RAB23: variants seen among roughly 807,000 people sequenced by gnomAD.
RAB23 encodes the protein ras-related protein Rab-23.
Under a neutral mutation model 30.0 loss-of-function variants are expected in RAB23, and 15 were observed. The observed-to-expected ratio is 0.50, with a 90% CI of 0.33 to 0.77. The LOEUF is 0.77. RAB23 is among the 30% of genes least tolerant of loss of function. The pLI is 0.02. For synonymous variants in RAB23, 93 were observed against 94.0 expected, an observed-to-expected ratio of 0.99 and a Z score of 0.06; for missense variants, 243 against 275.4, an observed-to-expected ratio of 0.88 and a Z score of 0.83.
intron 3 of RAB23, among the ~76,000 whole-genome samples, chr6:57,201,670 A>G (rs572608144): frequency 1.7e-4 from 26 of 152,356 alleles, no homozygotes; most frequent in South Asian, 4.1e-4. Context: ...AAATAAATTC[A>G]TAAGTTTTTC....
In RAB23 at chr6:57,200,555, A is replaced by AAAAT. The variant is rs1765216320; in HGVS notation, c.242-3950_242-3949insATTT. Among the ~76,000 whole-genome samples, 6 of 151,680 alleles carry AAAAT rather than the reference A, an allele frequency of 4.0e-5. No individual in the cohort carries two copies. The South Asian group carries it at 1.2e-3, about 32-fold the overall frequency. ...CTGTCTCAAAAAAAAAAAAAAAAAAAAAAGAATTTTTTTAGAGGAAGTACT... is the reference window on the plus strand; with the variant it reads ...CTGTCTCAAAAAAAAAAAAAAAAAAAAAATAAAGAATTTTTTTAGAGGAAGTACT... On this transcript the variant is annotated intron_variant, in intron 3 of 6. Coordinates refer to ENST00000468148, the MANE Select transcript of RAB23 (RefSeq NM_016277.5).
intron 6 of RAB23, 50 bp downstream of exon 6, chr6:57,193,792 T>G (rs774700900): frequency 1.9e-6 from 3 of 1,597,282 alleles, no homozygotes; most frequent in Non-Finnish European, 1.7e-6. Context: ...ATTATATGTG[T>G]TTTTTAACTT....
chr6:57,210,428 A>G lies in RAB23; in HGVS notation c.-48T>C. 1.9e-6 allele frequency: 3 copies of G among 1,560,702 alleles called. No individual in the cohort carries two copies. Among genetic ancestry groups the G allele is most frequent in the Non-Finnish European group, 2.6e-6 (3 of 1,132,364 alleles). On this transcript the variant is annotated 5_prime_UTR_variant, in exon 2 of 7. Transcript: ENST00000468148. ...GTACCAACTCTAATTCTAGGAGATC[A>G]GATCTTCCCTCTCAAATCTGTGGTT...
intron 1 of RAB23, among the ~76,000 whole-genome samples, chr6:57,220,849 A>G (rs1182642139): frequency 6.6e-6 from 1 of 152,182 alleles, no homozygotes; most frequent in Admixed American, 6.5e-5. Context: ...CAATTTTACC[A>G]TACACTTTTT....
chr6:57,217,554 C>T (rs1474569075), intron 1 of RAB23, among the ~76,000 whole-genome samples: 2 of 152,160 alleles, frequency 1.3e-5, no homozygotes, highest in South Asian at 2.1e-4. Flanking sequence ...GTGATCCGCC[C>T]GCCGTGGCCT....
intron 3 of RAB23, among the ~76,000 whole-genome samples, chr6:57,198,382 C>T (rs530903540): frequency 3.9e-5 from 6 of 152,134 alleles, no homozygotes; most frequent in South Asian, 4.2e-4. Context: ...GGTGTGGTGG[C>T]GGGTGCCTGT....
intron 2 of RAB23, among the ~76,000 whole-genome samples, chr6:57,208,626 CAAAAAAAAAAAAA>C (rs1168854982): frequency 8.5e-5 from 4 of 46,918 alleles, no homozygotes; most frequent in Admixed American, 2.3e-4. Flanking sequence ...GACTCTGTCT[CAAAAAAAAAAAAA>C]AAAAAAAAAA....
chr6:57,188,105 T>A lies in RAB23; in HGVS notation c.*2356A>T, dbSNP rs559709842. The A allele has an allele frequency of 6.6e-6, 1 of 152,250 alleles. No homozygotes were observed. Among genetic ancestry groups the A allele is most frequent in the African/African-American group, 2.4e-5 (1 of 41,570 alleles). 9.4% of individuals were successfully genotyped at this position (152,250 alleles called of 1,614,324 possible). A position where few individuals can be genotyped will look rare whatever the true frequency, so the allele number is the denominator to read the frequency against. ...AGTAGATTAGAGCACAAATGCACAA[T>A]CACCTGGAATCTTGGAAAAGTTTTT... On this transcript the variant is annotated 3_prime_UTR_variant, in exon 7 of 7. Transcript: ENST00000468148.
At chr6:57,219,294 G>A (rs1310125238) in intron 1 of RAB23, among the ~76,000 whole-genome samples, 2 of 152,156 alleles carry the variant, frequency 1.3e-5, no homozygotes, top group African/African-American at 4.8e-5. Flanking sequence ...TACACAATCT[G>A]TATGCTGAAA....
rs559484519 is a variant in RAB23 at position 57,197,437 on chromosome 6, G to A, written c.242-831C>T. Among the ~76,000 whole-genome samples, 9 of 152,226 alleles carry A rather than the reference G, an allele frequency of 5.9e-5. No individual in the cohort carries two copies. The East Asian group carries it at 1.7e-3, about 29-fold the overall frequency. On this transcript the variant is annotated intron_variant, in intron 3 of 6. Coordinates refer to ENST00000468148, the MANE Select transcript of RAB23 (RefSeq NM_016277.5). ...TTCAGGTAGCATGGTGATAAAAGCA[G>A]GCATGTAAGCAACAAGAGAAAATCA... is the stretch of plus-strand genomic sequence containing the variant.
chr6:57,194,705 C>T (rs1276170405), intron 5 of RAB23, 65 bp downstream of exon 5: 3 of 1,189,610 alleles, frequency 2.5e-6, no homozygotes, highest in South Asian at 1.4e-5. Flanking sequence ...TTCTAAACAA[C>T]ACAATTTTAA....
chr6:57,207,672 G>T lies in RAB23; in HGVS notation c.197C>A (p.Ala66Glu). 2.5e-6 allele frequency: 4 copies of T among 1,605,268 alleles called. No individual in the cohort carries two copies. The highest frequency in any genetic ancestry group is 3.4e-6 in the Non-Finnish European group (4 of 1,172,178). Residue 66 changes from alanine (A) to glutamate (E), a missense_variant, in exon 3 of 7, where the codon GCA (alanine) becomes GAA (glutamate). Coordinates refer to ENST00000468148, the MANE Select transcript of RAB23 (RefSeq NM_016277.5). The part of the protein sequence containing the change: ...EDVRLMLWDT[A>E]GQEEFDAITK... The stretch of plus-strand genomic sequence containing the variant: ...AATTGCATCAAATTCCTCCTGACCT[G>T]CAGTGTCCCATAACATTAGTCTGAC...
At position 57,189,082 on chromosome 6, in the gene RAB23, T is replaced by C. The variant is rs1035085365; in HGVS notation, c.*1379A>G. The C allele has an allele frequency of 2.0e-5, 3 of 152,304 alleles. No individual in the cohort carries two copies. The highest frequency in any genetic ancestry group is 7.2e-5 in the African/African-American group (3 of 41,576). The allele number at this position is 152,304 out of a possible 1,614,324, so 9.4% of individuals were successfully genotyped here. Reference sequence around the variant, plus strand: ...ATTTATAGGTTAAAAATAAAGCCATTGATGAGTGATAATCAGTTTTAACAG... The same window carrying C: ...ATTTATAGGTTAAAAATAAAGCCATCGATGAGTGATAATCAGTTTTAACAG... On this transcript the variant is annotated 3_prime_UTR_variant, in exon 7 of 7. Coordinates refer to ENST00000468148, the MANE Select transcript of RAB23 (RefSeq NM_016277.5).
At chr6:57,210,942 A>G (rs1168599160) in intron 1 of RAB23, among the ~76,000 whole-genome samples, 1 of 152,230 alleles carries the variant, frequency 6.6e-6, no homozygotes, top group East Asian at 1.9e-4. Flanking sequence ...GCAAAATCTG[A>G]AATGTTTTAA....
chr6:57,216,824 C>T (rs1001400331), intron 1 of RAB23, among the ~76,000 whole-genome samples: 1 of 143,292 alleles, frequency 7.0e-6, no homozygotes, highest in African/African-American at 2.5e-5. Flanking sequence ...AGGTAACTTC[C>T]AGACGTTGCC....
In RAB23 at chr6:57,222,248, G is replaced by C. The variant is rs1010152030; in HGVS notation, c.-588C>G. The C allele has an allele frequency of 1.3e-5, 2 of 152,636 alleles. No homozygotes were observed. The highest frequency in any genetic ancestry group is 2.9e-5 in the Non-Finnish European group (2 of 68,376). The allele number at this position is 152,636 out of a possible 1,614,324, so 9.5% of individuals were successfully genotyped here. On this transcript the variant is annotated 5_prime_UTR_variant, in exon 1 of 7. Coordinates refer to ENST00000468148, the MANE Select transcript of RAB23 (RefSeq NM_016277.5). ...TGGCTCAGCAGCAGCTCCGCCGGGGGTGGTGGGGCGCGGGAGTCTCGACTC... is the reference window on the plus strand; with the variant it reads ...TGGCTCAGCAGCAGCTCCGCCGGGGCTGGTGGGGCGCGGGAGTCTCGACTC...
chr6:57,198,453 G>C (rs1369750400), intron 3 of RAB23, among the ~76,000 whole-genome samples: 4 of 152,132 alleles, frequency 2.6e-5, no homozygotes, highest in Non-Finnish European at 4.4e-5. Flanking sequence ...GGTGGAGCTT[G>C]CAGTGAGCCG....
chr6:57,210,144 CA>C, intron 2 of RAB23, 81 bp downstream of exon 2: 1 of 1,468,566 alleles, frequency 6.8e-7, no homozygotes, highest in Non-Finnish European at 9.5e-7. Context: ...AAATCCACTG[CA>C]ATCAGTTAAC....
chr6:57,187,928 T>C lies in RAB23; in HGVS notation c.*2533A>G, dbSNP rs1453934035. On this transcript the variant is annotated 3_prime_UTR_variant, in exon 7 of 7. Transcript: ENST00000468148. ...AAGGAAATCATTTAACCTGGTTTTA[T>C]TTAACTATATTGCCTTATATGGGTC... 4.6e-5 allele frequency: 7 copies of C among 152,296 alleles called. No individual in the cohort carries two copies. The highest frequency in any genetic ancestry group is 5.9e-5 in the Non-Finnish European group (4 of 68,022). The allele number at this position is 152,296 out of a possible 1,614,324, so 9.4% of individuals were successfully genotyped here.
Sources: allele counts gnomAD v4.1 joint callset (sites outside exome capture counted in the v4.1 genomes callset), GRCh38; gene constraint gnomAD v4.1.1; transcripts MANE v1.5; gene names NCBI Gene and HGNC (gene_info 2026-07-23, HGNC 2026-07-21).